Variants in ABCA10 observed in about 807,000 individuals in gnomAD.
ABCA10 encodes the protein ATP-binding cassette sub-family A member 10.
Under a neutral mutation model 187.5 loss-of-function variants are expected in ABCA10, and 169 were observed. The observed-to-expected ratio is 0.90, with a 90% CI of 0.80 to 1.02. The LOEUF (loss-of-function observed/expected upper bound fraction) is 1.02, where lower values mean the gene tolerates loss of function less well. Ranked by LOEUF, ABCA10 falls within the 50% of genes least tolerant of loss-of-function variation. ABCA10 has a pLI of 0.00. For synonymous variants in ABCA10, 574 were observed against 601.8 expected (o/e 0.95, Z 0.68); for missense variants, 1,727 against 1,812.4 (o/e 0.95, Z 0.86).
intron 30 of ABCA10, 97 bp from the exon 31 acceptor site, chr17:69,154,423 T>C (rs2074157831): frequency 2.1e-6 from 1 of 475,584 alleles, no homozygotes; most frequent in East Asian, 5.2e-5. Flanking sequence ...AAAATGACTT[T>C]TTTTTTTTTT....
At chr17:69,191,622 C>T (rs1412452956) in intron 16 of ABCA10, among the ~76,000 whole-genome samples, 1 of 151,334 alleles carries the variant, frequency 6.6e-6, no homozygotes, top group African/African-American at 2.4e-5. Flanking sequence ...AACACACATA[C>T]ACACATGCAA....
At chr17:69,243,480 T>G (rs2074919008) in intron 1 of ABCA10, among the ~76,000 whole-genome samples, 1 of 152,228 alleles carries the variant, frequency 6.6e-6, no homozygotes, top group South Asian at 2.1e-4. Flanking sequence ...CAGTATTATA[T>G]TTTATCATCT....
At chr17:69,150,227 G>A in intron 36 of ABCA10, 164 bp from the exon 37 acceptor site, 4 of 501,276 alleles carry the variant, frequency 8.0e-6, no homozygotes, top group Non-Finnish European at 1.4e-5. Context: ...CATAAAAAAA[G>A]TTATAACAAC....
At chr17:69,237,602 T>C (rs2074879906) in intron 1 of ABCA10, among the ~76,000 whole-genome samples, 1 of 152,230 alleles carries the variant, frequency 6.6e-6, no homozygotes, top group African/African-American at 2.4e-5. Context: ...AAATGAAATG[T>C]TTTTATTTCC....
intron 2 of ABCA10, among the ~76,000 whole-genome samples, chr17:69,226,809 C>T (rs2144854465): frequency 6.6e-6 from 1 of 151,798 alleles, no homozygotes; most frequent in South Asian, 2.1e-4. Context: ...CTGTCCCTGC[C>T]CCCAACACAG....
rs778139896 is a variant in ABCA10 at position 69,219,596 on chromosome 17, CCT to C, written c.477_478del (p.Gly160LysfsTer3). The stretch of plus-strand genomic sequence containing the variant: ...CACTGTCATCAGTTTCTTAAATTTT[CCT>C]CTTTCCCTTGCAACATTTAATGATG... On this transcript the variant is annotated frameshift_variant, in exon 6 of 39. Transcript: ENST00000690296. LOFTEE classifies it high-confidence loss of function. The C allele has an allele frequency of 6.2e-6, 10 of 1,608,636 alleles. No homozygotes were observed. Among genetic ancestry groups the C allele is most frequent in the Non-Finnish European group, 6.8e-6 (8 of 1,177,958 alleles).
At chr17:69,167,035 T>C (rs1039994989) in intron 25 of ABCA10, among the ~76,000 whole-genome samples, 1 of 152,250 alleles carries the variant, frequency 6.6e-6, no homozygotes, top group African/African-American at 2.4e-5. Flanking sequence ...CTTTTGGTTA[T>C]ACAACAAGAA....
At chr17:69,219,515 G>C (rs1183107712) in intron 6 of ABCA10, 30 bp downstream of exon 6, 1 of 1,430,280 alleles carries the variant, frequency 7.0e-7, no homozygotes, top group Admixed American at 2.3e-5. Context: ...ATTAATGTAT[G>C]ATATACAGTA....
chr17:69,193,756 A>G (rs1473048023), intron 13 of ABCA10, 58 bp downstream of exon 13: 38 of 1,581,814 alleles, frequency 2.4e-5, no homozygotes, highest in Non-Finnish European at 3.1e-5. Flanking sequence ...GAACAAAAAA[A>G]ATATATAGTC....
intron 9 of ABCA10, among the ~76,000 whole-genome samples, chr17:69,208,463 A>G (rs985522033): frequency 6.6e-6 from 1 of 150,468 alleles, no homozygotes; most frequent in African/African-American, 2.4e-5. Context: ...GAAAAAAATT[A>G]TGTTTACTAC....
chr17:69,178,382 C>A (rs915116639), intron 22 of ABCA10, among the ~76,000 whole-genome samples: 2 of 152,108 alleles, frequency 1.3e-5, no homozygotes, highest in Non-Finnish European at 2.9e-5. Context: ...GCTAGTGGTT[C>A]TCTAAGTGTG....
chr17:69,162,680 TA>T (rs886373914), intron 27 of ABCA10, among the ~76,000 whole-genome samples: 30 of 152,206 alleles, frequency 2.0e-4, no homozygotes, highest in African/African-American at 7.2e-4. Context: ...GTTAGTAACG[TA>T]AAAGATACTT....
chr17:69,193,337 T>C (rs1011925908), intron 14 of ABCA10, 89 bp from the exon 15 acceptor site: 20 of 1,542,820 alleles, frequency 1.3e-5, no homozygotes, highest in Non-Finnish European at 1.7e-5. Flanking sequence ...ATTTCTAGAC[T>C]CAAATACAGT....
chr17:69,175,739 T>C, intron 22 of ABCA10: 1 of 319,074 alleles, frequency 3.1e-6, no homozygotes. Context: ...GTATATACGG[T>C]AGTCTCCCGT....
In ABCA10 at chr17:69,182,252, C is replaced by T. The variant is rs1247503687; in HGVS notation, c.2670G>A (p.Leu890=). The T allele has an allele frequency of 6.3e-7, 1 of 1,591,386 alleles. No homozygotes were observed. Among genetic ancestry groups the T allele is most frequent in the South Asian group, 1.1e-5 (1 of 87,278 alleles). The change falls in exon 22 of 39, where the codon TTG becomes TTA. Residue 890 remains leucine (L), a synonymous_variant. Coordinates refer to ENST00000690296, the MANE Select transcript of ABCA10 (RefSeq NM_001377321.1). ...RFSVACNTKK[L]NCFPVLMGIV... is the part of the protein sequence containing the mutation. Reference sequence around the variant, plus strand: ...TTCCCATAAGAACAGGAAAACAATTCAATTTCTTGGTATTACACGCAACAG... The same window carrying T: ...TTCCCATAAGAACAGGAAAACAATTTAATTTCTTGGTATTACACGCAACAG...
rs116294942 is a variant in ABCA10 at position 69,191,163 on chromosome 17, C to T, written c.2011+13G>A. ...CACTTACATATATTCTATGTGATTA[C>T]ACAGTAAGTTACCTGGAAATTTGTT... On this transcript the variant is annotated intron_variant, in intron 17 of 38. Transcript: ENST00000690296. 2,078 of 1,580,296 alleles carry T rather than the reference C, an allele frequency of 1.3e-3. 25 individuals are homozygous for T. In the African/African-American group the frequency reaches 0.024, roughly 19 times the overall value.
chr17:69,150,150 C>G, intron 36 of ABCA10, 87 bp from the exon 37 acceptor site: 2 of 919,544 alleles, frequency 2.2e-6, no homozygotes, highest in East Asian at 5.1e-5. Flanking sequence ...AATAATTTTT[C>G]AATGTGTTCT....
At chr17:69,151,749 A>G (rs893887652) in intron 36 of ABCA10, among the ~76,000 whole-genome samples, 1 of 152,214 alleles carries the variant, frequency 6.6e-6, no homozygotes, top group Non-Finnish European at 1.5e-5. Context: ...AAATCATTAA[A>G]AAGTTGATAG....
chr17:69,226,217 T>C (rs752246430), intron 2 of ABCA10, among the ~76,000 whole-genome samples: 2 of 152,054 alleles, frequency 1.3e-5, no homozygotes, highest in Non-Finnish European at 2.9e-5. Flanking sequence ...GACAGAGAGA[T>C]GAAGCAAAGA....
Sources: allele counts gnomAD v4.1 joint callset (sites outside exome capture counted in the v4.1 genomes callset), GRCh38; gene constraint gnomAD v4.1.1; transcripts MANE v1.5; gene names NCBI Gene and HGNC (gene_info 2026-07-23, HGNC 2026-07-21).